Variants in TSC22D1 observed in about 807,000 individuals in gnomAD.
TSC22D1 encodes TSC22 domain family protein 1.
In TSC22D1, 9 loss-of-function variants were observed where a neutral mutation model predicts 74.2. That is an observed-to-expected ratio of 0.12 (90% CI 0.07 to 0.21). The LOEUF is 0.21. TSC22D1 is among the 10% of genes least tolerant of loss of function. The pLI, the probability that TSC22D1 is intolerant of heterozygous loss-of-function variation, is 1.00. For synonymous variants in TSC22D1, 586 were observed against 492.5 expected (o/e 1.19, Z -2.51); for missense variants, 1,427 against 1,304.7 (o/e 1.09, Z -1.44).
intron 1 of TSC22D1, among the ~76,000 whole-genome samples, chr13:44,457,961 T>C (rs902112071): frequency 3.3e-5 from 5 of 152,260 alleles, no homozygotes; most frequent in African/African-American, 1.2e-4. Context: ...CAACTGACAC[T>C]GTTTCATATT....
chr13:44,441,258 C>G (rs963664003), intron 1 of TSC22D1, among the ~76,000 whole-genome samples: 6 of 152,122 alleles, frequency 3.9e-5, no homozygotes, highest in Admixed American at 6.5e-5. Flanking sequence ...GGAGAGCTTC[C>G]GTGCTAATGA....
chr13:44,510,219 TAAA>T (rs760309642), intron 1 of TSC22D1, among the ~76,000 whole-genome samples: 2 of 130,096 alleles, frequency 1.5e-5, no homozygotes, highest in East Asian at 2.2e-4. Flanking sequence ...CCCTGTCTAC[TAAA>T]AAAAAAAAAA....
chr13:44,491,772 G>A (rs1878738396), intron 1 of TSC22D1, among the ~76,000 whole-genome samples: 1 of 152,140 alleles, frequency 6.6e-6, no homozygotes, highest in Non-Finnish European at 1.5e-5. Context: ...CAAAATTGAA[G>A]CAGCCCGACA....
chr13:44,440,171 A>C (rs1472259135), intron 1 of TSC22D1, among the ~76,000 whole-genome samples: 1 of 152,266 alleles, frequency 6.6e-6, no homozygotes, highest in East Asian at 1.9e-4. Flanking sequence ...GTTGGGTCCC[A>C]CACACTGTCA....
intron 1 of TSC22D1, among the ~76,000 whole-genome samples, chr13:44,448,712 T>C (rs1362003806): frequency 6.8e-6 from 1 of 147,642 alleles, no homozygotes; most frequent in Non-Finnish European, 1.5e-5. Context: ...TTCAGAATTA[T>C]AAAGCAAAAT....
intron 1 of TSC22D1, among the ~76,000 whole-genome samples, chr13:44,448,978 A>G (rs1174584081): frequency 1.3e-5 from 2 of 152,106 alleles, no homozygotes; most frequent in Admixed American, 6.5e-5. Context: ...GCTGATCTCA[A>G]CGGAGCCACA....
intron 1 of TSC22D1, among the ~76,000 whole-genome samples, chr13:44,503,611 G>A (rs1879313852): frequency 2.6e-5 from 4 of 152,208 alleles, no homozygotes. Context: ...ATCTAGAATA[G>A]AAAAGTCTTT....
At chr13:44,469,739 A>G (rs933808150) in intron 1 of TSC22D1, among the ~76,000 whole-genome samples, 4 of 152,150 alleles carry the variant, frequency 2.6e-5, no homozygotes. Context: ...AAGCTAGTGA[A>G]ATTTATCTAT....
At chr13:44,473,991 TTCTATCATGA>T (rs1338417701) in intron 1 of TSC22D1, among the ~76,000 whole-genome samples, 9 of 152,158 alleles carry the variant, frequency 5.9e-5, no homozygotes, top group Admixed American at 3.3e-4. Flanking sequence ...AGTAAAAAAT[TTCTATCATGA>T]TCTCCAAATA....
chr13:44,468,495 G>C (rs1038793093), intron 1 of TSC22D1, among the ~76,000 whole-genome samples: 1 of 149,602 alleles, frequency 6.7e-6, no homozygotes, highest in Admixed American at 6.7e-5. Flanking sequence ...CAGTCACCTG[G>C]GACACAGAGA....
chr13:44,480,991 AG>A (rs1448774610), intron 1 of TSC22D1, among the ~76,000 whole-genome samples: 1 of 152,202 alleles, frequency 6.6e-6, no homozygotes, highest in Non-Finnish European at 1.5e-5. Flanking sequence ...TACTATAAAA[AG>A]AAGGGAGGCC....
At chr13:44,510,686 A>C (rs1879674279) in intron 1 of TSC22D1, among the ~76,000 whole-genome samples, 1 of 152,030 alleles carries the variant, frequency 6.6e-6, no homozygotes, top group Non-Finnish European at 1.5e-5. Flanking sequence ...TCCACCTCCC[A>C]GGTTCAAGGG....
chr13:44,500,095 G>GAAAAA (rs751648270), intron 1 of TSC22D1, among the ~76,000 whole-genome samples: 3 of 68,756 alleles, frequency 4.4e-5, no homozygotes, highest in African/African-American at 1.1e-4. Context: ...TCTCAAAAAA[G>GAAAAA]AAAAAAAAAA....
intron 1 of TSC22D1, among the ~76,000 whole-genome samples, chr13:44,503,017 TGCAATAATA>T (rs1214288204): frequency 2.0e-5 from 3 of 152,202 alleles, no homozygotes; most frequent in Non-Finnish European, 4.4e-5. Context: ...GTTTGATTGT[TGCAATAATA>T]GCCATAAGAA....
At position 44,432,943 on chromosome 13, in the gene TSC22D1, T is replaced by C. The variant is rs529648580; in HGVS notation, c.*1683A>G. On this transcript the variant is annotated 3_prime_UTR_variant, in exon 3 of 3. Transcript: ENST00000458659. Reference sequence around the variant, plus strand: ...TTAATTTTGGCCTGTTTTATAGTCATGCAGAATCAACTGCAAGGACATCCT... The same window carrying C: ...TTAATTTTGGCCTGTTTTATAGTCACGCAGAATCAACTGCAAGGACATCCT... The C allele has an allele frequency of 2.6e-5, 4 of 152,332 alleles. No individual in the cohort carries two copies. The East Asian group carries it at 7.7e-4, about 29-fold the overall frequency. The allele number at this position is 152,332 out of a possible 1,614,324, so 9.4% of individuals were successfully genotyped here. A position where few individuals can be genotyped will look rare whatever the true frequency, so the allele number is the denominator to read the frequency against.
At position 44,448,685 on chromosome 13, in the gene TSC22D1, T is replaced by C. The variant is rs559697432; in HGVS notation, c.2913-12590A>G. Among the ~76,000 whole-genome samples, 14 of 152,252 alleles carry C rather than the reference T, an allele frequency of 9.2e-5. No homozygotes were observed. In the East Asian group the frequency reaches 1.9e-3, roughly 21 times the overall value. On this transcript the variant is annotated intron_variant, in intron 1 of 2. Transcript: ENST00000458659. ...GACATAAATGAGGTCTGAGGGTTTC[T>C]TTAACCCTCTGATCTATTCAGAATT...
At chr13:44,572,602 A>G (rs1477137317) in intron 1 of TSC22D1, among the ~76,000 whole-genome samples, 1 of 152,252 alleles carries the variant, frequency 6.6e-6, no homozygotes, top group East Asian at 1.9e-4. Context: ...TAAAATGACC[A>G]TTAAATAAGT....
intron 1 of TSC22D1, among the ~76,000 whole-genome samples, chr13:44,517,520 T>A (rs1880052869): frequency 6.6e-6 from 1 of 151,714 alleles, no homozygotes; most frequent in Admixed American, 6.6e-5. Context: ...AGGATTACTA[T>A]CCATTGATCA....
chr13:44,491,468 G>A (rs1320432338), intron 1 of TSC22D1, among the ~76,000 whole-genome samples: 4 of 150,144 alleles, frequency 2.7e-5, no homozygotes, highest in East Asian at 2.0e-4. Flanking sequence ...GCAGGAGAAC[G>A]GCATGAACCC....
Sources: gnomAD v4.1 joint callset for allele counts (sites outside exome capture counted in the v4.1 genomes callset) on GRCh38, gnomAD v4.1.1 for gene constraint, MANE v1.5 for transcripts, NCBI Gene and HGNC (gene_info 2026-07-23, HGNC 2026-07-21) for gene names.